The following DIS3L2 variants were observed in gnomAD, a reference collection of about 807,000 sequenced individuals.
DIS3L2 encodes DIS3-like exonuclease 2.
A neutral mutation model predicts 97.5 loss-of-function variants in DIS3L2; 34 were observed. The ratio of observed to expected loss-of-function variants is 0.35; its 90% CI spans 0.27 to 0.46. The LOEUF (loss-of-function observed/expected upper bound fraction) is 0.46, where lower values mean the gene tolerates loss of function less well. Among genes scored for constraint, DIS3L2 ranks in the 20% least tolerant of loss-of-function variants. The pLI, the probability that DIS3L2 is intolerant of heterozygous loss-of-function variation, is 1.00. For missense variants in DIS3L2, 1,038 were observed against 1,146.0 expected, an observed-to-expected ratio of 0.91 and a Z score of 1.36; for synonymous variants, 435 against 445.2, an observed-to-expected ratio of 0.98 and a Z score of 0.29.
chr2:232,082,042 G>A (rs1696419055), intron 5 of DIS3L2, among the ~76,000 whole-genome samples: 1 of 152,154 alleles, frequency 6.6e-6, no homozygotes, highest in Non-Finnish European at 1.5e-5. Flanking sequence ...CGCCCACCTT[G>A]TCCTCCCAAA....
At chr2:232,096,692 GT>G (rs1325913399) in intron 6 of DIS3L2, among the ~76,000 whole-genome samples, 1 of 151,636 alleles carries the variant, frequency 6.6e-6, no homozygotes, top group East Asian at 2.0e-4. Context: ...TCCTTGATCA[GT>G]TTTGCTATTA....
chr2:232,329,724 TAGAG>T (rs1695676316), intron 14 of DIS3L2, 85 bp from the exon 15 acceptor site: 4 of 1,314,704 alleles, frequency 3.0e-6, no homozygotes, highest in Non-Finnish European at 4.1e-6. Flanking sequence ...GGGTGATTGA[TAGAG>T]AGCCAGGCCG....
intron 1 of DIS3L2, among the ~76,000 whole-genome samples, chr2:231,976,180 A>T (rs1288132183): frequency 6.6e-6 from 1 of 152,060 alleles, no homozygotes; most frequent in East Asian, 1.9e-4. Flanking sequence ...TGTACCCATC[A>T]CCCCTATAGT....
chr2:232,269,276 A>C lies in DIS3L2; in HGVS notation c.1659+5836A>C, dbSNP rs559447655. On this transcript the variant is annotated intron_variant, in intron 13 of 20. Transcript: ENST00000325385. This position sits in a 1 kb window ranked among gnomAD's most constrained non-coding sequence, Gnocchi z 4.5. The stretch of plus-strand genomic sequence containing the variant: ...CCTTCTCTCCAATACAGTCGCTTTC[A>C]AGAAATGAGCATTCCAGCTCTGCTG... 6.6e-6 allele frequency among the ~76,000 whole-genome samples: 1 copy of C among 152,312 alleles called. No individual in the cohort carries two copies. The highest frequency in any genetic ancestry group is 2.1e-4 in the South Asian group (1 of 4,832).
chr2:232,153,821 A>G (rs947336826), intron 8 of DIS3L2, among the ~76,000 whole-genome samples: 435 of 152,178 alleles, frequency 2.9e-3, no homozygotes, highest in Non-Finnish European at 4.8e-3. Flanking sequence ...CATTCTCCCC[A>G]TCACTTTCAG....
chr2:231,997,472 A>T (rs1384170290), intron 1 of DIS3L2, among the ~76,000 whole-genome samples: 1 of 152,246 alleles, frequency 6.6e-6, no homozygotes, highest in Non-Finnish European at 1.5e-5. Context: ...CATATGAAAC[A>T]GGGTGGAATG....
intron 5 of DIS3L2, among the ~76,000 whole-genome samples, chr2:232,031,578 G>C (rs1694805185): frequency 6.6e-6 from 1 of 150,500 alleles, no homozygotes; most frequent in South Asian, 2.1e-4. Context: ...GTATACATGT[G>C]CCATGGTGGT....
intron 9 of DIS3L2, among the ~76,000 whole-genome samples, chr2:232,168,947 A>G (rs902161028): frequency 1.2e-4 from 19 of 152,180 alleles, no homozygotes; most frequent in African/African-American, 4.6e-4. Context: ...TGGAACACCA[A>G]CCATGGGCAC....
intron 14 of DIS3L2, among the ~76,000 whole-genome samples, chr2:232,322,255 G>A (rs1328523376): frequency 6.6e-6 from 1 of 152,222 alleles, no homozygotes; most frequent in Non-Finnish European, 1.5e-5. Flanking sequence ...AGGGACCCTG[G>A]GTCTGGGAGC....
intron 13 of DIS3L2, among the ~76,000 whole-genome samples, chr2:232,283,527 G>A (rs1191406816): frequency 6.6e-6 from 1 of 152,150 alleles, no homozygotes; most frequent in Non-Finnish European, 1.5e-5. Context: ...CATAGTGTTG[G>A]AACTACAGGT....
At chr2:232,342,251 A>G (rs1696125009) in intron 13 of DIS3L2, among the ~76,000 whole-genome samples, 2 of 122,912 alleles carry the variant, frequency 1.6e-5, no homozygotes, top group Admixed American at 8.4e-5. Context: ...ACATATATAC[A>G]CATACACACA....
At chr2:232,157,865 G>A (rs1690539508) in intron 8 of DIS3L2, among the ~76,000 whole-genome samples, 1 of 152,212 alleles carries the variant, frequency 6.6e-6, no homozygotes, top group Non-Finnish European at 1.5e-5. Flanking sequence ...AGCAAGCACT[G>A]CAGCGATGGG....
chr2:231,981,760 G>A lies in DIS3L2; in HGVS notation c.-94+19995G>A, dbSNP rs192137323. On this transcript the variant is annotated intron_variant, in intron 1 of 20. Coordinates refer to ENST00000325385, the MANE Select transcript of DIS3L2 (RefSeq NM_152383.5). ...GTTTAATACTAATTGGTGGCCAGGC[G>A]TGGTGGCTCATGCCTGTAATGCCAG... 4.2e-3 allele frequency among the ~76,000 whole-genome samples: 628 copies of A among 150,802 alleles called. 1 individual carries two copies. The highest frequency in any genetic ancestry group is 0.014 in the African/African-American group (564 of 41,142).
At chr2:232,035,326 CT>C (rs911938458) in intron 5 of DIS3L2, among the ~76,000 whole-genome samples, 2 of 151,844 alleles carry the variant, frequency 1.3e-5, no homozygotes, top group African/African-American at 4.8e-5. Flanking sequence ...GCATCCCCTG[CT>C]TTTTTTTGCT....
intron 13 of DIS3L2, among the ~76,000 whole-genome samples, chr2:232,277,768 A>G (rs1452729214): frequency 2.0e-5 from 3 of 152,322 alleles, no homozygotes; most frequent in Non-Finnish European, 2.9e-5. Flanking sequence ...CATAGGGTGT[A>G]CTTAGACTAA....
chr2:232,273,181 G>A (rs1015475494), intron 13 of DIS3L2, among the ~76,000 whole-genome samples: 4 of 151,908 alleles, frequency 2.6e-5, no homozygotes, highest in Admixed American at 6.6e-5. Context: ...TCCTTCCTAG[G>A]GTTTCCCTGA....
intron 9 of DIS3L2, among the ~76,000 whole-genome samples, chr2:232,203,039 T>C (rs900448551): frequency 6.6e-6 from 1 of 152,222 alleles, no homozygotes; most frequent in Non-Finnish European, 1.5e-5. Flanking sequence ...AATGGTACAA[T>C]TGGGAACACA....
chr2:232,335,760 G>T lies in DIS3L2; in HGVS notation c.2395-13G>T, dbSNP rs374738789. The stretch of plus-strand genomic sequence containing the variant: ...CCAGAGCTGAGGCCTGAGGCTTGGT[G>T]TTTGCACTCCAGGCACTGGCCCTGC... On this transcript the variant is annotated splice_polypyrimidine_tract_variant and intron_variant, in intron 19 of 20. Transcript: ENST00000325385. 1.3e-6 allele frequency: 2 copies of T among 1,550,106 alleles called. No individual in the cohort carries two copies. Among genetic ancestry groups the T allele is most frequent in the Non-Finnish European group, 1.7e-6 (2 of 1,146,850 alleles).
At chr2:232,336,403 A>C in intron 20 of DIS3L2, 66 bp from the exon 21 acceptor site, 1 of 1,558,314 alleles carries the variant, frequency 6.4e-7, no homozygotes. Flanking sequence ...GCAGGGATGG[A>C]GGCAGAGCTG....
Sources: gnomAD v4.1 joint callset for allele counts (sites outside exome capture counted in the v4.1 genomes callset) on GRCh38, gnomAD v4.1.1 for gene constraint, Gnocchi (gnomAD v3.1) non-coding constraint, MANE v1.5 for transcripts, NCBI Gene and HGNC (gene_info 2026-07-23, HGNC 2026-07-21) for gene names.